The following TSPAN18 variants were observed in gnomAD, a reference collection of about 807,000 sequenced individuals.
The protein encoded by TSPAN18 is tetraspanin-18.
Under a neutral mutation model 27.3 loss-of-function variants are expected in TSPAN18, and 14 were observed. The ratio of observed to expected loss-of-function variants is 0.51; its 90% CI spans 0.34 to 0.80. The LOEUF is 0.80. TSPAN18 is among the 30% of genes least tolerant of loss of function. The pLI, the probability that TSPAN18 is intolerant of heterozygous loss-of-function variation, is 0.01. For missense variants in TSPAN18, 268 were observed against 323.9 expected (o/e 0.83, Z 1.32); for synonymous variants, 143 against 136.5 (o/e 1.05, Z -0.33).
rs79375323 is a variant in TSPAN18 at position 44,923,641 on chromosome 11, C to T, written c.616-3033C>T. 2.7e-3 allele frequency among the ~76,000 whole-genome samples: 418 copies of T among 152,272 alleles called. 1 individual carries two copies. The highest frequency in any genetic ancestry group is 9.7e-3 in the African/African-American group (405 of 41,546). ...AGTGTAAATCCTGGCTTCCCTTCCT[C>T]GTGTGTGATCTTAAACAAGTTAGCC... On this transcript the variant is annotated intron_variant, in intron 8 of 9. Transcript: ENST00000520358.
At chr11:44,876,285 G>C (rs993795824) in intron 3 of TSPAN18, among the ~76,000 whole-genome samples, 1 of 152,190 alleles carries the variant, frequency 6.6e-6, no homozygotes, top group African/African-American at 2.4e-5. Flanking sequence ...TGACTCCAGG[G>C]AGGCGGGTGT....
At chr11:44,868,127 A>C (rs535701969) in intron 3 of TSPAN18, among the ~76,000 whole-genome samples, 16 of 152,148 alleles carry the variant, frequency 1.1e-4, no homozygotes, top group Admixed American at 7.8e-4. Flanking sequence ...TGCAGCGTGG[A>C]TACCCGGGTC....
intron 2 of TSPAN18, among the ~76,000 whole-genome samples, chr11:44,816,771 C>T (rs1402220082): frequency 1.3e-5 from 2 of 152,224 alleles, no homozygotes; most frequent in East Asian, 3.8e-4. Flanking sequence ...AGTCTGCTCC[C>T]AAGCTGCTGC....
chr11:44,908,225 C>T (rs1859529758), intron 4 of TSPAN18, among the ~76,000 whole-genome samples: 1 of 152,122 alleles, frequency 6.6e-6, no homozygotes, highest in Admixed American at 6.5e-5. Flanking sequence ...TGCCCAAAGC[C>T]ATCAGCTCTC....
At position 44,919,353 on chromosome 11, in the gene TSPAN18, C is replaced by T. The variant is rs375714570; in HGVS notation, c.432+41C>T. ...GAGATGCTATGAACATTCAGAGCCA[C>T]GATGCCCAGTGTTCACATGCCCACG... On this transcript the variant is annotated intron_variant, in intron 7 of 9. Transcript: ENST00000520358. 1.4e-3 allele frequency: 2,089 copies of T among 1,544,734 alleles called. 2 individuals carry two copies. Among genetic ancestry groups the T allele is most frequent in the Non-Finnish European group, 1.7e-3 (1,860 of 1,118,202 alleles).
chr11:44,728,727 T>C (rs1042042110), intron 1 of TSPAN18, among the ~76,000 whole-genome samples: 3 of 152,140 alleles, frequency 2.0e-5, no homozygotes, highest in Non-Finnish European at 4.4e-5. Context: ...TCCCTGTATG[T>C]TGAGTCTGTG....
chr11:44,785,249 A>G (rs1029920981), intron 2 of TSPAN18, among the ~76,000 whole-genome samples: 1 of 152,330 alleles, frequency 6.6e-6, no homozygotes, highest in African/African-American at 2.4e-5. Flanking sequence ...AAAACCCTGT[A>G]TGCTCTGCCT....
Position 44,850,833 on chromosome 11 carries a change from AT to A in TSPAN18, c.-152-9492del, listed in dbSNP as rs572518656. The stretch of plus-strand genomic sequence containing the variant: ...GCTGGCCTTATCCCAGGTACAGGTC[AT>A]TTCACTCCCCTGGCTCAGGCTCCCT... On this transcript the variant is annotated intron_variant, in intron 2 of 9. Coordinates refer to ENST00000520358, the MANE Select transcript of TSPAN18 (RefSeq NM_130783.5). 1.4e-4 allele frequency among the ~76,000 whole-genome samples: 21 copies of A among 152,118 alleles called. No individual in the cohort carries two copies. In the South Asian group the frequency reaches 3.9e-3, roughly 29 times the overall value.
At chr11:44,843,617 T>C (rs1474452565) in intron 2 of TSPAN18, among the ~76,000 whole-genome samples, 1 of 152,190 alleles carries the variant, frequency 6.6e-6, no homozygotes, top group Non-Finnish European at 1.5e-5. Flanking sequence ...TATGGGAGAC[T>C]GGAGTTTATT....
intron 3 of TSPAN18, among the ~76,000 whole-genome samples, chr11:44,885,351 T>C (rs1267032603): frequency 6.6e-6 from 1 of 152,170 alleles, no homozygotes; most frequent in Non-Finnish European, 1.5e-5. Flanking sequence ...ACTATTATTT[T>C]TTTTTCCCCC....
intron 2 of TSPAN18, among the ~76,000 whole-genome samples, chr11:44,779,820 C>T (rs1315959962): frequency 1.3e-5 from 2 of 152,198 alleles, no homozygotes; most frequent in Non-Finnish European, 2.9e-5. Flanking sequence ...TACCCACATC[C>T]TTGTGTCTGC....
chr11:44,882,484 G>C (rs1858514818), intron 3 of TSPAN18, among the ~76,000 whole-genome samples: 1 of 152,054 alleles, frequency 6.6e-6, no homozygotes, highest in Non-Finnish European at 1.5e-5. Flanking sequence ...AGGGCTAGGG[G>C]ATTTATGCCC....
At chr11:44,926,471 A>G in intron 8 of TSPAN18, 1 of 576,804 alleles carries the variant, frequency 1.7e-6, no homozygotes, top group Non-Finnish European at 3.1e-6. Flanking sequence ...CGGGTGGCAA[A>G]GAGGGTCTTT....
chr11:44,885,000 T>C (rs1858600161), intron 3 of TSPAN18, among the ~76,000 whole-genome samples: 1 of 152,206 alleles, frequency 6.6e-6, no homozygotes, highest in South Asian at 2.1e-4. Context: ...GTAACTAAAG[T>C]GGGGTTGTCC....
chr11:44,864,987 TCA>T (rs1227956240), intron 3 of TSPAN18, among the ~76,000 whole-genome samples: 8 of 152,188 alleles, frequency 5.3e-5, no homozygotes, highest in Non-Finnish European at 1.2e-4. Flanking sequence ...GGTGGAAGGA[TCA>T]CAGTGGATTT....
intron 1 of TSPAN18, among the ~76,000 whole-genome samples, chr11:44,752,024 T>G (rs895804878): frequency 2.0e-5 from 3 of 152,214 alleles, no homozygotes; most frequent in Non-Finnish European, 4.4e-5. Context: ...TGTGTATGTT[T>G]GCATGTTGTT....
intron 3 of TSPAN18, among the ~76,000 whole-genome samples, chr11:44,872,325 T>G (rs1467475852): frequency 6.6e-6 from 1 of 152,162 alleles, no homozygotes; most frequent in Non-Finnish European, 1.5e-5. Flanking sequence ...AGGTCCTATC[T>G]CCAATGAAGT....
intron 2 of TSPAN18, among the ~76,000 whole-genome samples, chr11:44,809,545 C>T (rs1262084384): frequency 2.6e-5 from 4 of 152,162 alleles, no homozygotes; most frequent in Non-Finnish European, 4.4e-5. Flanking sequence ...GACATGGGCC[C>T]GAATAACCCA....
At chr11:44,835,078 T>G (rs1411072464) in intron 2 of TSPAN18, among the ~76,000 whole-genome samples, 1 of 152,154 alleles carries the variant, frequency 6.6e-6, no homozygotes, top group Non-Finnish European at 1.5e-5. Flanking sequence ...TCCGGGCACC[T>G]CTGGCTGCCT....
Sources: gnomAD v4.1 joint callset for allele counts (sites outside exome capture counted in the v4.1 genomes callset) on GRCh38, gnomAD v4.1.1 for gene constraint, MANE v1.5 for transcripts, NCBI Gene and HGNC (gene_info 2026-07-23, HGNC 2026-07-21) for gene names.